Variants in FILIP1 observed in about 807,000 individuals in gnomAD.
FILIP1 encodes the protein filamin-A-interacting protein 1.
FILIP1 carries 61 observed loss-of-function variants against 102.1 expected under a neutral mutation model. The ratio of observed to expected loss-of-function variants is 0.60; its 90% CI spans 0.49 to 0.74. The LOEUF (loss-of-function observed/expected upper bound fraction) is 0.74, where lower values mean the gene tolerates loss of function less well. Ranked by LOEUF, FILIP1 falls within the 30% of genes least tolerant of loss-of-function variation. The pLI is 0.00. For synonymous variants in FILIP1, 491 were observed against 526.9 expected (o/e 0.93, Z 0.93); for missense variants, 1,314 against 1,441.2 (o/e 0.91, Z 1.43).
intron 1 of FILIP1, among the ~76,000 whole-genome samples, chr6:75,485,936 T>C (rs553176440): frequency 7.3e-5 from 11 of 149,694 alleles, no homozygotes; most frequent in Non-Finnish European, 1.6e-4. Context: ...GTGGAGCACC[T>C]TCTACCGCCT....
intron 2 of FILIP1, among the ~76,000 whole-genome samples, chr6:75,365,254 T>C (rs1775290760): frequency 6.6e-6 from 1 of 152,076 alleles, no homozygotes; most frequent in Admixed American, 6.5e-5. Flanking sequence ...CTGTTGTTTG[T>C]ACCATAAATT....
At chr6:75,492,324 T>A (rs898639377) in intron 1 of FILIP1, among the ~76,000 whole-genome samples, 1 of 152,226 alleles carries the variant, frequency 6.6e-6, no homozygotes, top group Non-Finnish European at 1.5e-5. Context: ...TAAAAACTGG[T>A]TTTGGGTAAA....
chr6:75,423,112 T>C (rs1777520916), intron 1 of FILIP1, among the ~76,000 whole-genome samples: 2 of 152,120 alleles, frequency 1.3e-5, no homozygotes, highest in African/African-American at 4.8e-5. Flanking sequence ...CAATGACCAA[T>C]TGAGAGCAAT....
At chr6:75,323,879 T>G (rs1773744241) in intron 4 of FILIP1, among the ~76,000 whole-genome samples, 1 of 152,174 alleles carries the variant, frequency 6.6e-6, no homozygotes, top group Non-Finnish European at 1.5e-5. Context: ...TCATGAGGCC[T>G]GATGGTTTTA....
intron 1 of FILIP1, among the ~76,000 whole-genome samples, chr6:75,463,048 A>T (rs1015921294): frequency 1.3e-5 from 2 of 152,224 alleles, no homozygotes; most frequent in African/African-American, 4.8e-5. Context: ...CAATATATGC[A>T]AGAAATGTGA....
chr6:75,323,757 C>T (rs953650257), intron 4 of FILIP1, among the ~76,000 whole-genome samples: 13 of 152,158 alleles, frequency 8.5e-5, no homozygotes, highest in African/African-American at 2.9e-4. Flanking sequence ...GCTCTGTGTC[C>T]CCACCCAAAT....
intron 5 of FILIP1, among the ~76,000 whole-genome samples, chr6:75,311,954 A>C (rs1309414385): frequency 6.6e-6 from 1 of 152,252 alleles, no homozygotes; most frequent in Non-Finnish European, 1.5e-5. Context: ...ATAAAATATG[A>C]CTGTGGCCAT....
At chr6:75,491,866 G>C (rs1416044868) in intron 1 of FILIP1, among the ~76,000 whole-genome samples, 1 of 152,174 alleles carries the variant, frequency 6.6e-6, no homozygotes, top group African/African-American at 2.4e-5. Context: ...GCTGCACTTA[G>C]TTATCGCCAC....
chr6:75,293,604 A>G (rs1772594565), exon 7 of FILIP1: 1 of 152,154 alleles, frequency 6.6e-6, no homozygotes, highest in African/African-American at 2.4e-5. Context: ...TGTAAGTTCC[A>G]AATTCATTAT....
In FILIP1 at chr6:75,390,184, A is replaced by AT. The variant is rs368781834; in HGVS notation, c.276+24512dup. ...AACAACTCAGAAGCAGATAATTTCT[A>AT]TCCCACTCTCCTTGTACCAATGGGC... On this transcript the variant is annotated intron_variant, in intron 2 of 5. Coordinates refer to ENST00000237172, the MANE Select transcript of FILIP1 (RefSeq NM_015687.5). Among the ~76,000 whole-genome samples the AT allele has an allele frequency of 2.8e-3, 419 of 152,244 alleles. 1 individual carries two copies. The highest frequency in any genetic ancestry group is 9.7e-3 in the African/African-American group (403 of 41,544).
At position 75,420,437 on chromosome 6, in the gene FILIP1, C is replaced by T. The variant is rs1029129286; in HGVS notation, c.-6-5459G>A. Among the ~76,000 whole-genome samples, 10 of 152,106 alleles carry T rather than the reference C, an allele frequency of 6.6e-5. 1 individual carries two copies. Among genetic ancestry groups the T allele is most frequent in the Non-Finnish European group, 1.3e-4 (9 of 68,008 alleles). On this transcript the variant is annotated intron_variant, in intron 1 of 5. Coordinates refer to ENST00000237172, the MANE Select transcript of FILIP1 (RefSeq NM_015687.5). ...GATAGATGGTAACCTTTCTTACCAA[C>T]ATTTTAATTAAAATCCCCACATTGA...
intron 1 of FILIP1, among the ~76,000 whole-genome samples, chr6:75,440,912 G>A (rs1407047086): frequency 2.0e-5 from 3 of 147,868 alleles, no homozygotes; most frequent in Non-Finnish European, 4.4e-5. Context: ...TCGTGCCGTT[G>A]CACTCCAGCC....
chr6:75,448,312 T>C (rs1474706843), intron 1 of FILIP1, among the ~76,000 whole-genome samples: 2 of 152,114 alleles, frequency 1.3e-5, no homozygotes, highest in Admixed American at 6.6e-5. Context: ...TAGGTGAGAG[T>C]TCCTATTTAC....
chr6:75,470,643 T>C (rs1314591173), intron 1 of FILIP1, among the ~76,000 whole-genome samples: 2 of 152,272 alleles, frequency 1.3e-5, no homozygotes, highest in South Asian at 2.1e-4. Context: ...TTCAAATCAA[T>C]GGGAAAATAA....
chr6:75,303,965 G>C (rs756944577), downstream of FILIP1, among the ~76,000 whole-genome samples: 35 of 152,080 alleles, frequency 2.3e-4, no homozygotes, highest in Non-Finnish European at 4.6e-4. Flanking sequence ...GGAAGCAGAG[G>C]GCTGAACTAG....
At chr6:75,429,491 T>C (rs1248910464) in intron 1 of FILIP1, among the ~76,000 whole-genome samples, 1 of 152,198 alleles carries the variant, frequency 6.6e-6, no homozygotes, top group Non-Finnish European at 1.5e-5. Context: ...TCTATAGGCA[T>C]GCAGCCAAAG....
intron 4 of FILIP1, among the ~76,000 whole-genome samples, chr6:75,323,459 G>A (rs1397898718): frequency 3.9e-5 from 6 of 152,256 alleles, no homozygotes; most frequent in East Asian, 1.9e-4. Context: ...TATTACTAGC[G>A]AGTGACTTAA....
At chr6:75,307,776 A>T (rs1315761764), downstream of FILIP1, among the ~76,000 whole-genome samples, 1 of 152,222 alleles carries the variant, frequency 6.6e-6, no homozygotes, top group Non-Finnish European at 1.5e-5. Context: ...GCAAGTCTAT[A>T]CTTAATTGAG....
Position 75,315,220 on chromosome 6 carries a change from C to G in FILIP1, c.630-18G>C, listed in dbSNP as rs770037594. The G allele has an allele frequency of 1.4e-6, 2 of 1,462,808 alleles. No homozygotes were observed. The highest frequency in any genetic ancestry group is 4.8e-5 in the East Asian group (2 of 41,934). The allele number at this position is 1,462,808 out of a possible 1,614,324, so 90.6% of individuals were successfully genotyped here. ...TTTTTAACCTAGAAAATAAAATATA[C>G]CTATATGTTAAAAGAGTAATCAGCA... On this transcript the variant is annotated intron_variant, in intron 4 of 5. Transcript: ENST00000237172.
Sources: gnomAD v4.1 joint callset for allele counts (sites outside exome capture counted in the v4.1 genomes callset) on GRCh38, gnomAD v4.1.1 for gene constraint, MANE v1.5 for transcripts, NCBI Gene and HGNC (gene_info 2026-07-23, HGNC 2026-07-21) for gene names.